The following PITPNC1 variants were observed in gnomAD, a reference collection of about 807,000 sequenced individuals.
PITPNC1 encodes the protein cytoplasmic phosphatidylinositol transfer protein 1.
In PITPNC1, 18 loss-of-function variants were observed where a neutral mutation model predicts 44.7. That is an observed-to-expected ratio of 0.40 (90% CI 0.28 to 0.60). The LOEUF (loss-of-function observed/expected upper bound fraction) is 0.60, where lower values mean the gene tolerates loss of function less well. Ranked by LOEUF, PITPNC1 falls within the 20% of genes least tolerant of loss-of-function variation. PITPNC1 has a pLI of 0.39. For synonymous variants in PITPNC1, 141 were observed against 149.6 expected (o/e 0.94, Z 0.42); for missense variants, 290 against 418.4 (o/e 0.69, Z 2.68).
chr17:67,497,601 C>T (rs1055809205), intron 1 of PITPNC1, among the ~76,000 whole-genome samples: 4 of 141,080 alleles, frequency 2.8e-5, no homozygotes, highest in African/African-American at 1.1e-4. Flanking sequence ...CATCATGGCT[C>T]ACTGCAGTCT....
chr17:67,581,593 A>G (rs1257902479), intron 5 of PITPNC1, among the ~76,000 whole-genome samples: 1 of 152,050 alleles, frequency 6.6e-6, no homozygotes, highest in East Asian at 1.9e-4. Flanking sequence ...TGCTCCACGG[A>G]CCCCAGGTCT....
chr17:67,560,030 A>G (rs868306078), intron 4 of PITPNC1, among the ~76,000 whole-genome samples: 5 of 152,240 alleles, frequency 3.3e-5, no homozygotes, highest in Non-Finnish European at 7.3e-5. Flanking sequence ...CTACCATTCA[A>G]GATGGTACAC....
chr17:67,447,024 AG>A (rs2039105874), intron 1 of PITPNC1, among the ~76,000 whole-genome samples: 1 of 127,586 alleles, frequency 7.8e-6, no homozygotes, highest in Non-Finnish European at 1.6e-5. Context: ...CAGGAGGTGG[AG>A]GTTGCAGTAA....
intron 5 of PITPNC1, among the ~76,000 whole-genome samples, chr17:67,609,305 T>G (rs1344833479): frequency 6.6e-6 from 1 of 150,426 alleles, no homozygotes; most frequent in Non-Finnish European, 1.5e-5. Flanking sequence ...TTTTTTTTTT[T>G]TTGAGACAGA....
At chr17:67,416,161 G>A (rs935280847) in intron 1 of PITPNC1, among the ~76,000 whole-genome samples, 20 of 113,736 alleles carry the variant, frequency 1.8e-4, no homozygotes, top group Admixed American at 8.8e-5. Context: ...TCCTTTTTTT[G>A]TACATAAATT....
intron 6 of PITPNC1, among the ~76,000 whole-genome samples, chr17:67,656,874 A>C (rs2042275080): frequency 6.6e-6 from 1 of 152,252 alleles, no homozygotes; most frequent in East Asian, 1.9e-4. Flanking sequence ...TCAGGCCCAA[A>C]ACACTACAGA....
At chr17:67,419,228 G>GC (rs1208033765) in intron 1 of PITPNC1, among the ~76,000 whole-genome samples, 3 of 152,124 alleles carry the variant, frequency 2.0e-5, no homozygotes, top group African/African-American at 7.2e-5. Flanking sequence ...AGAGTCAGGA[G>GC]CAGGGAGTGA....
chr17:67,497,203 G>A (rs556479176), intron 1 of PITPNC1, among the ~76,000 whole-genome samples: 1 of 151,260 alleles, frequency 6.6e-6, no homozygotes, highest in South Asian at 2.1e-4. Flanking sequence ...AGTCACACAA[G>A]ACATATTATT....
chr17:67,680,616 A>G (rs1490727765), intron 8 of PITPNC1, among the ~76,000 whole-genome samples: 2 of 151,724 alleles, frequency 1.3e-5, no homozygotes, highest in African/African-American at 4.9e-5. Context: ...AAAAAAAAAA[A>G]ATCACAACTA....
In PITPNC1 at chr17:67,693,321, T is replaced by C. The variant is rs1211849020; in HGVS notation, c.*433T>C. On this transcript the variant is annotated 3_prime_UTR_variant, in exon 9 of 9. Transcript: ENST00000581322. ...AGGCATAACATACTTAGCTGTTAAA[T>C]TTTGAACTGCTAATTACTAATACTT... 6.4e-6 allele frequency: 1 copy of C among 155,536 alleles called. No homozygotes were observed. The highest frequency in any genetic ancestry group is 1.4e-5 in the Non-Finnish European group (1 of 70,176). The allele number at this position is 155,536 out of a possible 1,614,324, so 9.6% of individuals were successfully genotyped here. A position where few individuals can be genotyped will look rare whatever the true frequency, so the allele number is the denominator to read the frequency against.
At chr17:67,649,714 A>G (rs2042188518) in intron 6 of PITPNC1, among the ~76,000 whole-genome samples, 1 of 152,096 alleles carries the variant, frequency 6.6e-6, no homozygotes, top group South Asian at 2.1e-4. Context: ...GTGAGACTCC[A>G]TCTCTATTTT....
At chr17:67,663,107 ATGTCTTT>A (rs1348800173) in intron 6 of PITPNC1, among the ~76,000 whole-genome samples, 1 of 152,134 alleles carries the variant, frequency 6.6e-6, no homozygotes, top group Non-Finnish European at 1.5e-5. Context: ...GGCCACCTGT[ATGTCTTT>A]GAGAAGACTT....
At chr17:67,498,692 T>G (rs2039987915) in intron 1 of PITPNC1, among the ~76,000 whole-genome samples, 1 of 152,206 alleles carries the variant, frequency 6.6e-6, no homozygotes, top group Admixed American at 6.5e-5. Flanking sequence ...TTTCTCTACG[T>G]CCTTGCCAAC....
chr17:67,486,491 A>G (rs1321518742), intron 1 of PITPNC1, among the ~76,000 whole-genome samples: 5 of 152,190 alleles, frequency 3.3e-5, no homozygotes, highest in Non-Finnish European at 7.3e-5. Flanking sequence ...CATTGATCGG[A>G]GATGGTAGCA....
chr17:67,655,558 C>CAAAAAAA (rs796111267), intron 6 of PITPNC1, among the ~76,000 whole-genome samples: 5 of 42,074 alleles, frequency 1.2e-4, no homozygotes, highest in African/African-American at 2.3e-4. Context: ...AGACTCATCT[C>CAAAAAAA]AAAAAAAAAA....
intron 6 of PITPNC1, among the ~76,000 whole-genome samples, chr17:67,641,821 A>ATAG (rs1288954635): frequency 6.7e-6 from 1 of 149,022 alleles, no homozygotes; most frequent in Admixed American, 6.8e-5. Flanking sequence ...AATAATAATA[A>ATAG]TAAGCGAGTG....
At chr17:67,388,328 G>GTTT (rs768092457) in intron 1 of PITPNC1, among the ~76,000 whole-genome samples, 5 of 134,686 alleles carry the variant, frequency 3.7e-5, no homozygotes, top group African/African-American at 8.4e-5. Flanking sequence ...TTTTTTTCGT[G>GTTT]TTTTTTTTTT....
chr17:67,608,797 C>A (rs576499986), intron 5 of PITPNC1, among the ~76,000 whole-genome samples: 1 of 151,132 alleles, frequency 6.6e-6, no homozygotes. Context: ...TCACGCCCGG[C>A]CTGTTTCTCA....
chr17:67,455,832 G>A (rs1465532742), intron 1 of PITPNC1, among the ~76,000 whole-genome samples: 3 of 152,140 alleles, frequency 2.0e-5, no homozygotes, highest in Admixed American at 1.3e-4. Flanking sequence ...GATGTATGGA[G>A]CACTGTTGTT....
Sources: allele counts gnomAD v4.1 joint callset (sites outside exome capture counted in the v4.1 genomes callset), GRCh38; gene constraint gnomAD v4.1.1; transcripts MANE v1.5; gene names NCBI Gene and HGNC (gene_info 2026-07-23, HGNC 2026-07-21).